The following ATP8A1 variants were observed in gnomAD, a reference collection of about 807,000 sequenced individuals.
ATP8A1 encodes ATPase phospholipid transporting 8A1, also known as phospholipid-transporting ATPase IA.
A neutral mutation model predicts 177.7 loss-of-function variants in ATP8A1; 90 were observed. The ratio of observed to expected loss-of-function variants is 0.51; its 90% CI spans 0.43 to 0.60. The LOEUF is 0.60. ATP8A1 is among the 20% of genes least tolerant of loss of function. The pLI is 0.00. For synonymous variants in ATP8A1, 493 were observed against 485.9 expected (o/e 1.01, Z -0.19); for missense variants, 1,072 against 1,392.8 (o/e 0.77, Z 3.67).
intron 18 of ATP8A1, among the ~76,000 whole-genome samples, chr4:42,550,553 C>T (rs1298428506): frequency 1.3e-5 from 2 of 152,106 alleles, no homozygotes; most frequent in Non-Finnish European, 2.9e-5. Context: ...TACACATCTG[C>T]TAGCAGTATA....
chr4:42,645,917 C>T lies in ATP8A1; in HGVS notation c.49+10908G>A, dbSNP rs561591289. Among the ~76,000 whole-genome samples the T allele has an allele frequency of 4.6e-5, 7 of 150,860 alleles. No individual in the cohort carries two copies. In the South Asian group the frequency reaches 8.3e-4, roughly 18 times the overall value. ...CTCATTTCTTTGGTCAGAGACAGAA[C>T]ATGGCCTAGGTTAGAGAAAAAAAAA... On this transcript the variant is annotated intron_variant, in intron 1 of 36. Coordinates refer to ENST00000381668, the MANE Select transcript of ATP8A1 (RefSeq NM_006095.2).
intron 1 of ATP8A1, among the ~76,000 whole-genome samples, chr4:42,633,247 T>C (rs1738933881): frequency 6.6e-6 from 1 of 152,214 alleles, no homozygotes; most frequent in South Asian, 2.1e-4. Flanking sequence ...CCTTTCTTCA[T>C]CTGCCCAGAT....
At chr4:42,430,112 A>G (rs1288738041) in intron 33 of ATP8A1, among the ~76,000 whole-genome samples, 1 of 152,196 alleles carries the variant, frequency 6.6e-6, no homozygotes, top group Non-Finnish European at 1.5e-5. Context: ...TGATAAATAC[A>G]TTATGTATAT....
chr4:42,564,661 G>T (rs559696492), intron 15 of ATP8A1, among the ~76,000 whole-genome samples: 2 of 152,304 alleles, frequency 1.3e-5, no homozygotes, highest in South Asian at 4.1e-4. Context: ...TAAGTAACTT[G>T]CTTTTGATTT....
chr4:42,518,289 C>G (rs1373223433), intron 22 of ATP8A1, among the ~76,000 whole-genome samples: 2 of 152,176 alleles, frequency 1.3e-5, no homozygotes, highest in African/African-American at 2.4e-5. Context: ...GAATATAATA[C>G]TACCATTAAT....
rs1185633919 is a variant in ATP8A1 at position 42,522,181 on chromosome 4, C to T, written c.1926G>A (p.Glu642=). 1 of 1,612,014 alleles carries T rather than the reference C, an allele frequency of 6.2e-7. No homozygotes were observed. Among genetic ancestry groups the T allele is most frequent in the Admixed American group, 1.7e-5 (1 of 59,506 alleles). ...GTACCTTTTCAATCAACTCATAACT[C>T]TCTTCGAGTTTGAGTAGCCTGTTCT... The part of the protein sequence containing the change: ...SVQNRLLKLE[E]SYELIEKNLQ... Residue 642 remains glutamate, a synonymous_variant, in exon 22 of 37, where the codon GAG becomes GAA. Coordinates refer to ENST00000381668, the MANE Select transcript of ATP8A1 (RefSeq NM_006095.2).
At chr4:42,524,443 T>TAA (rs1726473139) in intron 21 of ATP8A1, among the ~76,000 whole-genome samples, 2 of 151,848 alleles carry the variant, frequency 1.3e-5, no homozygotes, top group African/African-American at 2.4e-5. Flanking sequence ...TGAGTCTTGC[T>TAA]TCTTTTCCTA....
chr4:42,506,465 G>A (rs147479066), intron 23 of ATP8A1, among the ~76,000 whole-genome samples: 8 of 152,264 alleles, frequency 5.3e-5, no homozygotes, highest in Middle Eastern at 3.4e-3. Context: ...CACCCAGCTC[G>A]TGGTATTTTG....
intron 14 of ATP8A1, among the ~76,000 whole-genome samples, chr4:42,573,373 T>C (rs973819323): frequency 6.6e-6 from 1 of 152,194 alleles, no homozygotes; most frequent in Non-Finnish European, 1.5e-5. Context: ...AATATATAAG[T>C]ACAAGATGTC....
intron 22 of ATP8A1, among the ~76,000 whole-genome samples, chr4:42,507,729 CAAAAAAAAA>C (rs34269384): frequency 0.072 from 640 of 8,908 alleles, 11 homozygotes; most frequent in Non-Finnish European, 0.13. Context: ...GACTCCATCT[CAAAAAAAAA>C]AAAAAAAAAA....
At chr4:42,507,797 A>AC (rs1236978027) in intron 22 of ATP8A1, among the ~76,000 whole-genome samples, 3 of 141,010 alleles carry the variant, frequency 2.1e-5, no homozygotes, top group African/African-American at 5.4e-5. Flanking sequence ...AAAAAAAAAA[A>AC]AAAAAAAAAA....
chr4:42,560,721 A>G (rs1004407907), intron 15 of ATP8A1, among the ~76,000 whole-genome samples: 4 of 152,030 alleles, frequency 2.6e-5, no homozygotes, highest in African/African-American at 7.2e-5. Context: ...GTTTAACTAC[A>G]TAACATGCAC....
chr4:42,571,660 ATGTC>A (rs1017894973), intron 14 of ATP8A1, among the ~76,000 whole-genome samples: 2 of 152,164 alleles, frequency 1.3e-5, no homozygotes, highest in African/African-American at 4.8e-5. Flanking sequence ...TTACAGTAAA[ATGTC>A]TGGTTTGTCA....
At chr4:42,577,813 T>C (rs963392390) in intron 12 of ATP8A1, among the ~76,000 whole-genome samples, 2 of 152,170 alleles carry the variant, frequency 1.3e-5, no homozygotes, top group Admixed American at 6.5e-5. Flanking sequence ...ATTATTTGTA[T>C]AGTGATTGAT....
chr4:42,523,038 G>C (rs1726304653), intron 21 of ATP8A1, among the ~76,000 whole-genome samples: 1 of 152,120 alleles, frequency 6.6e-6, no homozygotes, highest in African/African-American at 2.4e-5. Context: ...CCTCTTACTA[G>C]GATATATGAC....
intron 33 of ATP8A1, among the ~76,000 whole-genome samples, chr4:42,430,569 A>C (rs1460563155): frequency 6.6e-6 from 1 of 151,646 alleles, no homozygotes. Context: ...TTTGACATGC[A>C]GATTATTTCC....
intron 4 of ATP8A1, among the ~76,000 whole-genome samples, chr4:42,617,242 C>T (rs1737014415): frequency 6.6e-6 from 1 of 152,180 alleles, no homozygotes; most frequent in Admixed American, 6.5e-5. Context: ...TCTGTGGAAA[C>T]AATCAGCTAC....
At chr4:42,633,488 T>C (rs948841203) in intron 1 of ATP8A1, among the ~76,000 whole-genome samples, 6 of 152,302 alleles carry the variant, frequency 3.9e-5, no homozygotes, top group Middle Eastern at 3.4e-3. Context: ...AAAAATGTTA[T>C]AGAAATAGCA....
chr4:42,623,854 A>C (rs1737759475), intron 4 of ATP8A1, among the ~76,000 whole-genome samples: 2 of 152,166 alleles, frequency 1.3e-5, no homozygotes, highest in South Asian at 4.1e-4. Flanking sequence ...CCCTGAACTT[A>C]AAAGTCTCTC....
Sources: gnomAD v4.1 joint callset for allele counts (sites outside exome capture counted in the v4.1 genomes callset) on GRCh38, gnomAD v4.1.1 for gene constraint, MANE v1.5 for transcripts, NCBI Gene and HGNC (gene_info 2026-07-23, HGNC 2026-07-21) for gene names.